LARGE1: variants seen among roughly 807,000 people sequenced by gnomAD.
LARGE1 encodes xylosyl- and glucuronyltransferase LARGE1.
A neutral mutation model predicts 87.6 loss-of-function variants in LARGE1; 43 were observed. The ratio of observed to expected loss-of-function variants is 0.49; its 90% CI spans 0.38 to 0.63. LARGE1 has a LOEUF of 0.63. Among genes scored for constraint, LARGE1 ranks in the 30% least tolerant of loss-of-function variants. LARGE1 has a pLI of 0.00. For synonymous variants in LARGE1, 434 were observed against 394.6 expected (o/e 1.10, Z -1.18); for missense variants, 802 against 1,000.2 (o/e 0.80, Z 2.67).
At chr22:33,484,644 T>C (rs1341161045) in intron 6 of LARGE1, among the ~76,000 whole-genome samples, 17 of 152,148 alleles carry the variant, frequency 1.1e-4, no homozygotes, top group Admixed American at 1.1e-3. Flanking sequence ...CCTTGCTGAC[T>C]TTAAGTTAAG....
At chr22:33,317,724 T>C (rs1235133295) in intron 10 of LARGE1, among the ~76,000 whole-genome samples, 1 of 152,190 alleles carries the variant, frequency 6.6e-6, no homozygotes, top group East Asian at 1.9e-4. Context: ...GTATGATGTA[T>C]GTTTTACAGA....
rs142426454 is a variant in LARGE1, at chr22:33,505,104, C to T, written c.787+59744G>A. Among the ~76,000 whole-genome samples, 779 of 152,332 alleles carry T rather than the reference C, an allele frequency of 5.1e-3. 5 individuals are homozygous for T. Among genetic ancestry groups the T allele is most frequent in the African/African-American group, 0.018 (732 of 41,586 alleles). On this transcript the variant is annotated intron_variant, in intron 6 of 14. Transcript: ENST00000397394. ...ACACACAGAGGATTCCTAAAGAGCT[C>T]GTATTACACAGTCTCGTGAGCACTG...
At chr22:33,571,551 T>C (rs2078205265) in intron 5 of LARGE1, among the ~76,000 whole-genome samples, 1 of 152,096 alleles carries the variant, frequency 6.6e-6, no homozygotes, top group South Asian at 2.1e-4. Context: ...AGAGACTGGT[T>C]TTGTCAGGAA....
chr22:33,707,584 G>C (rs966965166), intron 2 of LARGE1, among the ~76,000 whole-genome samples: 1 of 152,144 alleles, frequency 6.6e-6, no homozygotes, highest in Non-Finnish European at 1.5e-5. Context: ...CTTACTCCCT[G>C]GTCTCAGTTC....
intron 11 of LARGE1, among the ~76,000 whole-genome samples, chr22:33,224,887 C>T (rs1392110465): frequency 6.6e-6 from 1 of 152,232 alleles, no homozygotes; most frequent in African/African-American, 2.4e-5. Context: ...AACAATTATT[C>T]AAAGTCATTT....
chr22:33,128,956 C>T, the LARGE1 span, among the ~76,000 whole-genome samples: 2 of 152,102 alleles, frequency 1.3e-5, no homozygotes, highest in African/African-American at 4.8e-5. Context: ...GGGAGAACAT[C>T]AGGAAAAATA....
chr22:33,231,007 A>T (rs1925979244), intron 11 of LARGE1, among the ~76,000 whole-genome samples: 2 of 152,098 alleles, frequency 1.3e-5, no homozygotes, highest in South Asian at 4.2e-4. Flanking sequence ...TCTCAAATGG[A>T]CTCTTCTTTA....
intron 6 of LARGE1, among the ~76,000 whole-genome samples, chr22:33,455,328 TTCC>T (rs1270354653): frequency 3.9e-5 from 6 of 152,218 alleles, no homozygotes; most frequent in Admixed American, 3.9e-4. Flanking sequence ...CTTGTGGTTG[TTCC>T]CAAACCTTTT....
intron 2 of LARGE1, among the ~76,000 whole-genome samples, chr22:33,738,560 C>T (rs780810067): frequency 1.1e-4 from 17 of 152,096 alleles, no homozygotes; most frequent in Non-Finnish European, 1.9e-4. Context: ...GTTGGGCAGT[C>T]GTAAGAGACC....
At chr22:33,394,887 G>A (rs1178303240) in intron 7 of LARGE1, among the ~76,000 whole-genome samples, 5 of 152,070 alleles carry the variant, frequency 3.3e-5, no homozygotes, top group South Asian at 4.1e-4. Flanking sequence ...CAGGCCATAA[G>A]CAGACTGCCT....
At chr22:33,453,145 G>C (rs902654790) in intron 6 of LARGE1, among the ~76,000 whole-genome samples, 1 of 152,230 alleles carries the variant, frequency 6.6e-6, no homozygotes, top group Non-Finnish European at 1.5e-5. Context: ...GGCCGGGCGT[G>C]GTGGCTCACG....
intron 6 of LARGE1, among the ~76,000 whole-genome samples, chr22:33,471,701 G>C (rs1388437382): frequency 6.6e-6 from 1 of 152,160 alleles, no homozygotes; most frequent in Non-Finnish European, 1.5e-5. Context: ...AGTACAAAAA[G>C]AGGCTGAAAG....
chr22:33,071,610 G>GAACAA, the LARGE1 span, among the ~76,000 whole-genome samples: 1 of 152,152 alleles, frequency 6.6e-6, no homozygotes, highest in Non-Finnish European at 1.5e-5. Flanking sequence ...CAAGACACAT[G>GAACAA]GAGCCCCTGT....
At chr22:33,331,094 T>C (rs137947382) in intron 10 of LARGE1, among the ~76,000 whole-genome samples, 287 of 152,318 alleles carry the variant, frequency 1.9e-3, no homozygotes, top group African/African-American at 6.2e-3. Context: ...GGTCAGGCAT[T>C]GGGGTCTGTG....
intron 2 of LARGE1, among the ~76,000 whole-genome samples, chr22:33,736,086 T>C (rs2083646289): frequency 6.6e-6 from 1 of 152,222 alleles, no homozygotes; most frequent in Non-Finnish European, 1.5e-5. Flanking sequence ...TCATGAATAA[T>C]GCTGTCTTGA....
At chr22:33,357,772 C>T (rs1452093381) in intron 9 of LARGE1, among the ~76,000 whole-genome samples, 1 of 151,464 alleles carries the variant, frequency 6.6e-6, no homozygotes, top group African/African-American at 2.4e-5. Flanking sequence ...CCAGCCCACG[C>T]AATAAGAGTG....
intron 12 of LARGE1, among the ~76,000 whole-genome samples, chr22:33,291,402 T>G (rs151228398): frequency 6.6e-6 from 1 of 152,236 alleles, no homozygotes; most frequent in East Asian, 1.9e-4. Context: ...TCTACCCTTA[T>G]GCATTCTCCT....
chr22:33,450,749 T>G (rs1232460270), intron 6 of LARGE1, among the ~76,000 whole-genome samples: 1 of 152,168 alleles, frequency 6.6e-6, no homozygotes, highest in East Asian at 1.9e-4. Context: ...TGAGGGTAAA[T>G]GATATTCCCA....
downstream of LARGE1, among the ~76,000 whole-genome samples, chr22:33,158,068 G>A (rs1921923351): frequency 6.6e-6 from 1 of 151,940 alleles, no homozygotes; most frequent in African/African-American, 2.4e-5. Context: ...AAATAACAGT[G>A]TATTGTATAT....
Sources: allele counts gnomAD v4.1 joint callset (sites outside exome capture counted in the v4.1 genomes callset), GRCh38; gene constraint gnomAD v4.1.1; transcripts MANE v1.5; gene names NCBI Gene and HGNC (gene_info 2026-07-23, HGNC 2026-07-21).